KIAA1217: variants seen among roughly 807,000 people sequenced by gnomAD.
KIAA1217 encodes the protein sickle tail protein homolog.
In KIAA1217, 88 loss-of-function variants were observed where a neutral mutation model predicts 163.9. The observed-to-expected ratio is 0.54, with a 90% CI of 0.45 to 0.64. The LOEUF (loss-of-function observed/expected upper bound fraction) is 0.64. Ranked by LOEUF, KIAA1217 falls within the 30% of genes least tolerant of loss-of-function variation. KIAA1217 has a pLI of 0.00. For missense variants in KIAA1217, 2,372 were observed against 2,475.0 expected (o/e 0.96, Z 0.88); for synonymous variants, 903 against 923.1 (o/e 0.98, Z 0.39).
chr10:23,706,932 A>G (rs1836924770), intron 1 of KIAA1217, among the ~76,000 whole-genome samples: 1 of 152,204 alleles, frequency 6.6e-6, no homozygotes. Context: ...TGGCTGCCAC[A>G]TGGACACCAG....
chr10:23,971,767 T>C lies in KIAA1217; in HGVS notation c.-320-35458T>C, dbSNP rs1845327820. On this transcript the variant is annotated intron_variant, in intron 1 of 18. Transcript: ENST00000376462. The stretch of plus-strand genomic sequence containing the variant: ...AATCCCCTTCCCTTCCCAGGTCTTT[T>C]TCTTGATCCAGGAGAAAATTAAGAG... 2.0e-5 allele frequency among the ~76,000 whole-genome samples: 3 copies of C among 152,234 alleles called. No homozygotes were observed. The South Asian group carries it at 6.2e-4, about 31-fold the overall frequency.
At chr10:23,960,064 T>C (rs1283131639) in intron 1 of KIAA1217, among the ~76,000 whole-genome samples, 3 of 151,710 alleles carry the variant, frequency 2.0e-5, no homozygotes, top group Admixed American at 6.6e-5. Flanking sequence ...TACAGGCGCC[T>C]GCCACCACGC....
At chr10:23,787,265 T>C (rs1835535529) in intron 1 of KIAA1217, among the ~76,000 whole-genome samples, 1 of 152,186 alleles carries the variant, frequency 6.6e-6, no homozygotes, top group African/African-American at 2.4e-5. Flanking sequence ...GAAAATAGCA[T>C]TAGAATATAT....
rs147473527 is a variant in KIAA1217 at position 24,471,387 on chromosome 10, C to T, written c.847-1841C>T. On this transcript the variant is annotated intron_variant, in intron 5 of 20. Transcript: ENST00000376454. ...GGATGGAGCCTGTCTCTCCTTCCCT[C>T]AGTTATTTGGAGAATCTCAGTGGTC... Among the ~76,000 whole-genome samples, 877 of 152,240 alleles carry T rather than the reference C, an allele frequency of 5.8e-3. 11 individuals are homozygous for T. Among genetic ancestry groups the T allele is most frequent in the African/African-American group, 0.02 (827 of 41,550 alleles).
At chr10:23,978,481 C>G (rs1464515011) in intron 1 of KIAA1217, among the ~76,000 whole-genome samples, 3 of 152,086 alleles carry the variant, frequency 2.0e-5, no homozygotes, top group African/African-American at 7.2e-5. Flanking sequence ...AGTGGAATTC[C>G]TCAAGTGCAG....
intron 3 of KIAA1217, among the ~76,000 whole-genome samples, chr10:24,418,499 G>A (rs146165329): frequency 2.0e-5 from 3 of 152,066 alleles, no homozygotes; most frequent in African/African-American, 4.8e-5. Flanking sequence ...AAATCTACAC[G>A]CAAATTACAT....
At chr10:24,063,572 G>A (rs569049946) in intron 2 of KIAA1217, among the ~76,000 whole-genome samples, 203 of 152,210 alleles carry the variant, frequency 1.3e-3, no homozygotes, top group African/African-American at 4.6e-3. Flanking sequence ...GTTAGGTAGC[G>A]TGATGCCTCC....
At chr10:23,808,705 A>T (rs894139491) in intron 1 of KIAA1217, among the ~76,000 whole-genome samples, 1 of 152,098 alleles carries the variant, frequency 6.6e-6, no homozygotes, top group African/African-American at 2.4e-5. Context: ...ACACCTCAAC[A>T]TATGTCTAAT....
intron 20 of KIAA1217, 170 bp from the exon 21 acceptor site, chr10:24,545,657 G>A (rs922238251): frequency 4.9e-6 from 7 of 1,424,750 alleles, no homozygotes; most frequent in South Asian, 1.6e-5. Flanking sequence ...TACATGGGGG[G>A]TTTCTACCAG....
At chr10:24,459,018 G>A (rs1019122942) in intron 5 of KIAA1217, among the ~76,000 whole-genome samples, 4 of 152,068 alleles carry the variant, frequency 2.6e-5, no homozygotes, top group Admixed American at 6.5e-5. Context: ...GGCACCACCC[G>A]AGACCTACTG....
At chr10:24,544,711 G>A (rs946206876) in intron 19 of KIAA1217, among the ~76,000 whole-genome samples, 2 of 151,984 alleles carry the variant, frequency 1.3e-5, no homozygotes, top group African/African-American at 4.8e-5. Context: ...GTTGCTGACT[G>A]GTGTTGGGTA....
intron 1 of KIAA1217, among the ~76,000 whole-genome samples, chr10:23,750,653 G>A (rs1839686635): frequency 6.6e-6 from 1 of 152,098 alleles, no homozygotes; most frequent in Non-Finnish European, 1.5e-5. Context: ...CACATTCTCT[G>A]TTAACTCCCC....
intron 5 of KIAA1217, among the ~76,000 whole-genome samples, chr10:24,445,630 CTTTGGTTT>C (rs1198540029): frequency 6.8e-6 from 1 of 147,562 alleles, no homozygotes; most frequent in Non-Finnish European, 1.5e-5. Context: ...AACATGCGGT[CTTTGGTTT>C]TTTGTCCTTG....
intron 1 of KIAA1217, among the ~76,000 whole-genome samples, chr10:23,816,731 A>G (rs1396144841): frequency 6.6e-6 from 1 of 152,208 alleles, no homozygotes; most frequent in Non-Finnish European, 1.5e-5. Context: ...ACTATATTTT[A>G]TCATTATAAT....
chr10:23,911,347 C>T (rs894999263), intron 1 of KIAA1217, among the ~76,000 whole-genome samples: 1 of 152,220 alleles, frequency 6.6e-6, no homozygotes, highest in Admixed American at 6.5e-5. Context: ...AACAACCTCA[C>T]TTCTCCACAT....
chr10:23,697,645 A>G (rs1836130689), intron 1 of KIAA1217, among the ~76,000 whole-genome samples: 1 of 152,134 alleles, frequency 6.6e-6, no homozygotes, highest in Middle Eastern at 3.4e-3. Flanking sequence ...TGAGGTGGGC[A>G]GATCGCTTGA....
intron 2 of KIAA1217, among the ~76,000 whole-genome samples, chr10:24,016,581 G>A (rs1038296056): frequency 1.3e-5 from 2 of 152,066 alleles, no homozygotes; most frequent in Non-Finnish European, 2.9e-5. Context: ...AGCTTCTTAT[G>A]TTTAATAATA....
At chr10:23,749,494 G>A (rs760137176) in intron 1 of KIAA1217, among the ~76,000 whole-genome samples, 2 of 151,902 alleles carry the variant, frequency 1.3e-5, no homozygotes, top group African/African-American at 2.4e-5. Context: ...TGCAACCTCC[G>A]CCTCCTAGGT....
chr10:23,931,507 C>T (rs1843251154), intron 1 of KIAA1217, among the ~76,000 whole-genome samples: 1 of 152,178 alleles, frequency 6.6e-6, no homozygotes, highest in African/African-American at 2.4e-5. Flanking sequence ...GCTTTATCCA[C>T]CAACTAGACT....
Sources: gnomAD v4.1 joint callset for allele counts (sites outside exome capture counted in the v4.1 genomes callset) on GRCh38, gnomAD v4.1.1 for gene constraint, MANE v1.5 for transcripts, NCBI Gene and HGNC (gene_info 2026-07-23, HGNC 2026-07-21) for gene names.